PCDHGA11: variants seen among roughly 807,000 people sequenced by gnomAD.
PCDHGA11 encodes the protein protocadherin gamma-A11.
A neutral mutation model predicts 60.4 loss-of-function variants in PCDHGA11; 39 were observed. The observed-to-expected ratio is 0.65, with a 90% CI of 0.50 to 0.84. The LOEUF (loss-of-function observed/expected upper bound fraction) is 0.84. Ranked by LOEUF, PCDHGA11 falls within the 40% of genes least tolerant of loss-of-function variation. PCDHGA11 has a pLI of 0.00. For synonymous variants in PCDHGA11, 533 were observed against 510.3 expected, an observed-to-expected ratio of 1.04 and a Z score of -0.60; for missense variants, 1,165 against 1,197.7, an observed-to-expected ratio of 0.97 and a Z score of 0.40.
At chr5:141,505,599 G>T in intron 3 of PCDHGA11, 118 bp downstream of exon 3, 1 of 1,555,586 alleles carries the variant, frequency 6.4e-7, no homozygotes, top group Non-Finnish European at 8.7e-7. Context: ...CAGATCTTTC[G>T]GCAGGTCTGA....
At chr5:141,469,362 G>C (rs915161729) in intron 1 of PCDHGA11, among the ~76,000 whole-genome samples, 14 of 152,084 alleles carry the variant, frequency 9.2e-5, no homozygotes, top group Non-Finnish European at 7.4e-5. Flanking sequence ...GGATCATGAG[G>C]TAAAGAGATC....
At chr5:141,462,980 G>T (rs1249102130) in intron 1 of PCDHGA11, among the ~76,000 whole-genome samples, 1 of 152,006 alleles carries the variant, frequency 6.6e-6, no homozygotes, top group Non-Finnish European at 1.5e-5. Flanking sequence ...AGTAACTTTT[G>T]CCTTGGGCTA....
intron 3 of PCDHGA11, among the ~76,000 whole-genome samples, chr5:141,508,616 G>T (rs1007206932): frequency 6.6e-6 from 1 of 152,114 alleles, no homozygotes; most frequent in African/African-American, 2.4e-5. Flanking sequence ...ATAGGACGTG[G>T]GTGGGCCGAG....
intron 3 of PCDHGA11, 85 bp from the exon 4 acceptor site, chr5:141,510,862 C>A: frequency 6.2e-7 from 1 of 1,606,772 alleles, no homozygotes. Context: ...GCTGTATAGG[C>A]ATTCATTAAC....
intron 3 of PCDHGA11, among the ~76,000 whole-genome samples, chr5:141,508,841 C>A (rs969875150): frequency 6.6e-6 from 1 of 152,140 alleles, no homozygotes; most frequent in East Asian, 1.9e-4. Context: ...TCCCCTACCC[C>A]TTCCATTCCC....
Position 141,431,142 on chromosome 5 carries a change from A to G in PCDHGA11, c.2433+7482A>G. ...GAAGTAGAAGTAAGGGACATTAACG[A>G]CAATGCGCCTTACTTTCGTGAAAGT... On this transcript the variant is annotated intron_variant, in intron 1 of 3. Coordinates refer to ENST00000398587, the MANE Select transcript of PCDHGA11 (RefSeq NM_018914.3). This position sits in a 1 kb window ranked among gnomAD's most constrained non-coding sequence, Gnocchi z 4.8. 1 of 1,614,240 alleles carries G rather than the reference A, an allele frequency of 6.2e-7. No individual in the cohort carries two copies. Among genetic ancestry groups the G allele is most frequent in the Non-Finnish European group, 8.5e-7 (1 of 1,180,024 alleles).
rs2154581798 is a variant in PCDHGA11, at chr5:141,489,799, G to T, written c.2434-5008G>T. 1 of 1,614,192 alleles carries T rather than the reference G, an allele frequency of 6.2e-7. No homozygotes were observed. The highest frequency in any genetic ancestry group is 2.2e-5 in the East Asian group (1 of 44,884). On this transcript the variant is annotated intron_variant, in intron 1 of 3. Coordinates refer to ENST00000398587, the MANE Select transcript of PCDHGA11 (RefSeq NM_018914.3). The surrounding 1 kb of genome is among the most constrained non-coding windows in gnomAD (Gnocchi z 4.5). Reference sequence around the variant, plus strand: ...CTCTCTGAATGTGAAGACCCTAAAAGATGGGAAGCCATTCCCAGAGCTGGT... The same window carrying T: ...CTCTCTGAATGTGAAGACCCTAAAATATGGGAAGCCATTCCCAGAGCTGGT...
intron 2 of PCDHGA11, among the ~76,000 whole-genome samples, chr5:141,497,126 C>T (rs565697662): frequency 8.2e-4 from 125 of 151,844 alleles, no homozygotes; most frequent in African/African-American, 3.0e-3. Flanking sequence ...GCAGAGGTTG[C>T]AGTGAGCTGA....
rs888556794 is a variant in PCDHGA11 at position 141,493,414 on chromosome 5, A to T, written c.2434-1393A>T. Among the ~76,000 whole-genome samples, 2 of 152,058 alleles carry T rather than the reference A, an allele frequency of 1.3e-5. No individual in the cohort carries two copies. Among genetic ancestry groups the T allele is most frequent in the Admixed American group, 6.6e-5 (1 of 15,248 alleles). ...GGAGAGGGGAGTTGCCTCTGCTGGG[A>T]TTTTGCTTCTGCTGGGATGGGGCAA... On this transcript the variant is annotated intron_variant, in intron 1 of 3. Coordinates refer to ENST00000398587, the MANE Select transcript of PCDHGA11 (RefSeq NM_018914.3). The surrounding 1 kb of genome is among the most constrained non-coding windows in gnomAD (Gnocchi z 4.3).
chr5:141,443,555 C>T (rs1284929219), intron 1 of PCDHGA11, among the ~76,000 whole-genome samples: 1 of 152,130 alleles, frequency 6.6e-6, no homozygotes, highest in East Asian at 1.9e-4. Flanking sequence ...TGTTCCAATT[C>T]AAATGCTTTA....
intron 1 of PCDHGA11, among the ~76,000 whole-genome samples, chr5:141,464,794 A>C (rs2154568597): frequency 6.6e-6 from 1 of 152,128 alleles, no homozygotes; most frequent in East Asian, 1.9e-4. Flanking sequence ...GCCAAATTGC[A>C]GTGATGCAGT....
chr5:141,425,523 T>C (rs1260519939), intron 1 of PCDHGA11, among the ~76,000 whole-genome samples: 1 of 152,248 alleles, frequency 6.6e-6, no homozygotes, highest in Admixed American at 6.5e-5. Flanking sequence ...TGATGAAACA[T>C]GAAACAATAA....
At chr5:141,501,329 ACACAC>A (rs1562200854) in intron 2 of PCDHGA11, among the ~76,000 whole-genome samples, 2 of 148,226 alleles carry the variant, frequency 1.3e-5, no homozygotes, top group Non-Finnish European at 3.0e-5. Flanking sequence ...ACACACACAC[ACACAC>A]CCCAAACTCA....
At chr5:141,497,307 C>T (rs1295364802) in intron 2 of PCDHGA11, among the ~76,000 whole-genome samples, 1 of 152,096 alleles carries the variant, frequency 6.6e-6, no homozygotes, top group Non-Finnish European at 1.5e-5. Flanking sequence ...CCAGGCCATA[C>T]ACTGGCTTTG....
At position 141,487,270 on chromosome 5, in the gene PCDHGA11, A is replaced by T. The variant is rs777469322; in HGVS notation, c.2434-7537A>T. 6.2e-7 allele frequency: 1 copy of T among 1,614,046 alleles called. No homozygotes were observed. Among genetic ancestry groups the T allele is most frequent in the South Asian group, 1.1e-5 (1 of 91,076 alleles). On this transcript the variant is annotated intron_variant, in intron 1 of 3. Transcript: ENST00000398587. The surrounding 1 kb of genome is among the most constrained non-coding windows in gnomAD (Gnocchi z 5.0). ...TCTACTTGGCTGTGTCCCTAGTGGC[A>T]ATTTGCTTTGTCTCCTTTGGCTCAT... is the stretch of plus-strand genomic sequence containing the variant.
chr5:141,475,254 C>T (rs776471860), intron 1 of PCDHGA11, among the ~76,000 whole-genome samples: 9 of 152,208 alleles, frequency 5.9e-5, no homozygotes, highest in Admixed American at 1.3e-4. Flanking sequence ...TGCTCTACAA[C>T]TGAGATCATG....
intron 1 of PCDHGA11, among the ~76,000 whole-genome samples, chr5:141,447,162 G>A (rs1213550616): frequency 6.6e-6 from 1 of 151,700 alleles, no homozygotes; most frequent in African/African-American, 2.4e-5. Flanking sequence ...TTGTTTAAGC[G>A]GGGTCTTGCT....
At chr5:141,449,818 A>G (rs1446661913) in intron 1 of PCDHGA11, among the ~76,000 whole-genome samples, 2 of 151,708 alleles carry the variant, frequency 1.3e-5, no homozygotes, top group Non-Finnish European at 2.9e-5. Flanking sequence ...GTATTTCCTA[A>G]CAAGGACATT....
At chr5:141,439,571 G>T (rs1010967112) in intron 1 of PCDHGA11, among the ~76,000 whole-genome samples, 4 of 152,154 alleles carry the variant, frequency 2.6e-5, no homozygotes, top group Non-Finnish European at 4.4e-5. Flanking sequence ...CTAGAGTAGG[G>T]ACTCAGAGTG....
Sources: gnomAD v4.1 joint callset for allele counts (sites outside exome capture counted in the v4.1 genomes callset) on GRCh38, gnomAD v4.1.1 for gene constraint, Gnocchi (gnomAD v3.1) non-coding constraint, MANE v1.5 for transcripts, NCBI Gene and HGNC (gene_info 2026-07-23, HGNC 2026-07-21) for gene names.